The following MYNN variants were observed in gnomAD, a reference collection of about 807,000 sequenced individuals.
MYNN encodes the protein myoneurin.
A neutral mutation model predicts 57.2 loss-of-function variants in MYNN; 22 were observed. The ratio of observed to expected loss-of-function variants is 0.38; its 90% CI spans 0.27 to 0.55. The LOEUF is 0.55. MYNN is among the 20% of genes least tolerant of loss of function. The probability of loss-of-function intolerance (pLI) is 0.71; values close to 1 mark genes in which losing one functional copy is unlikely to be tolerated. For synonymous variants in MYNN, 241 were observed against 257.1 expected (o/e 0.94, Z 0.60); for missense variants, 566 against 723.1 (o/e 0.78, Z 2.49).
chr3:169,785,811 G>A (rs2108210442), intron 7 of MYNN, among the ~76,000 whole-genome samples: 1 of 152,196 alleles, frequency 6.6e-6, no homozygotes, highest in East Asian at 1.9e-4. Flanking sequence ...GCATGTTAAA[G>A]CCATTGGAAA....
intron 1 of MYNN, 37 bp from the exon 2 acceptor site, chr3:169,774,228 T>A (rs1577391600): frequency 6.6e-7 from 1 of 1,518,386 alleles, no homozygotes; most frequent in Non-Finnish European, 9.1e-7. Flanking sequence ...GATGAGAACT[T>A]ACGGTTACTG....
At chr3:169,785,702 T>C (rs1778656132) in intron 7 of MYNN, among the ~76,000 whole-genome samples, 1 of 151,998 alleles carries the variant, frequency 6.6e-6, no homozygotes, top group Non-Finnish European at 1.5e-5. Context: ...AAGAGTAGTT[T>C]GGGAAGAATA....
At position 169,782,254 on chromosome 3, in the gene MYNN, A is replaced by T. The variant is rs1778539600; in HGVS notation, c.1221-211A>T. On this transcript the variant is annotated intron_variant, in intron 4 of 7. Transcript: ENST00000349841. The surrounding 1 kb of genome is among the most constrained non-coding windows in gnomAD (Gnocchi z 4.8). Reference sequence around the variant, plus strand: ...TGACAACCATATAAAGATCATGGAAAAACTTTTTGAACTGATCTCAGAACT... The same window carrying T: ...TGACAACCATATAAAGATCATGGAATAACTTTTTGAACTGATCTCAGAACT... 6.6e-6 allele frequency among the ~76,000 whole-genome samples: 1 copy of T among 152,200 alleles called. No individual in the cohort carries two copies. The highest frequency in any genetic ancestry group is 1.5e-5 in the Non-Finnish European group (1 of 68,044).
intron 6 of MYNN, chr3:169,783,983 T>C (rs1290397821): frequency 1.2e-5 from 3 of 258,376 alleles, no homozygotes; most frequent in Non-Finnish European, 2.3e-5. Context: ...AAGAAAATAT[T>C]GAATGTAAAA....
At chr3:169,785,261 A>C (rs970892425) in intron 7 of MYNN, among the ~76,000 whole-genome samples, 4 of 152,066 alleles carry the variant, frequency 2.6e-5, no homozygotes, top group African/African-American at 9.6e-5. Context: ...ATTATTCGAC[A>C]TGACACTAGG....
At chr3:169,785,053 G>C (rs1778633494) in intron 7 of MYNN, among the ~76,000 whole-genome samples, 1 of 132,768 alleles carries the variant, frequency 7.5e-6, no homozygotes, top group Admixed American at 8.0e-5. Flanking sequence ...GGTTTACTAT[G>C]GTTATTATGA....
At chr3:169,784,585 A>T in intron 6 of MYNN, 37 bp from the exon 7 acceptor site, 1 of 1,363,288 alleles carries the variant, frequency 7.3e-7, no homozygotes, top group Non-Finnish European at 1.0e-6. Flanking sequence ...AGCAGCTTTT[A>T]AAATATTGAA....
At chr3:169,784,498 G>T in intron 6 of MYNN, 124 bp from the exon 7 acceptor site, 1 of 622,070 alleles carries the variant, frequency 1.6e-6, no homozygotes, top group Non-Finnish European at 2.8e-6. Context: ...TGATTAAAGT[G>T]ACAATTTGAA....
chr3:169,783,620 C>A (rs1778584345), intron 6 of MYNN, 60 bp downstream of exon 6: 3 of 1,224,664 alleles, frequency 2.4e-6, no homozygotes, highest in African/African-American at 1.5e-5. Flanking sequence ...TTTATGTAAA[C>A]CTTGACTTTT....
At chr3:169,781,622 G>A (rs1778520006) in intron 4 of MYNN, among the ~76,000 whole-genome samples, 1 of 152,218 alleles carries the variant, frequency 6.6e-6, no homozygotes, top group South Asian at 2.1e-4. Context: ...GGAGCAGCCA[G>A]TAGAGGAGGA....
intron 7 of MYNN, among the ~76,000 whole-genome samples, chr3:169,786,176 C>T (rs1778671891): frequency 6.6e-6 from 1 of 152,110 alleles, no homozygotes; most frequent in South Asian, 2.1e-4. Flanking sequence ...TAACAGCTCA[C>T]CCTGTTTCAT....
At chr3:169,777,508 T>C (rs1778384241) in intron 2 of MYNN, 1 of 151,958 alleles carries the variant, frequency 6.6e-6, no homozygotes, top group East Asian at 1.9e-4. Flanking sequence ...TGTGTTTCCA[T>C]CCTCAAATAC....
intron 2 of MYNN, among the ~76,000 whole-genome samples, chr3:169,776,195 CCAGGTGTTTTGTTCAGT>C (rs2108198335): frequency 6.6e-6 from 1 of 152,284 alleles, no homozygotes; most frequent in Admixed American, 6.5e-5. Context: ...TGAAGAACAG[CCAGGTGTTTTGTTCAGT>C]CTCTTTTGGT....
intron 1 of MYNN, chr3:169,773,905 C>G (rs78105580): frequency 0.013 from 2,355 of 179,080 alleles, 19 homozygotes; most frequent in Middle Eastern, 0.031. Context: ...CTGCCCCTAT[C>G]TGTCCCAAGA....
At chr3:169,776,719 T>A (rs1778352531) in intron 2 of MYNN, among the ~76,000 whole-genome samples, 2 of 146,886 alleles carry the variant, frequency 1.4e-5, no homozygotes, top group Non-Finnish European at 1.5e-5. Context: ...TTTTTTTTTT[T>A]TTGAGATGGA....
rs777747775 is a variant in MYNN at position 169,779,046 on chromosome 3, A to G, written c.545A>G (p.Lys182Arg). 1 of 1,614,134 alleles carries G rather than the reference A, an allele frequency of 6.2e-7. No individual in the cohort carries two copies. Among genetic ancestry groups the G allele is most frequent in the African/African-American group, 1.3e-5 (1 of 75,084 alleles). ...AAAAAGTCATCTCAAACGAAAAAGA[A>G]GAAGAAGGCTTTCAACTCCCCGAAA... is the stretch of plus-strand genomic sequence containing the variant. Reference protein sequence around the residue: ...LAKKSSQTKKKKKAFNSPKTG... With the variant: ...LAKKSSQTKKRKKAFNSPKTG... The change falls in exon 3 of 8, where the codon AAG becomes AGG. Residue 182 changes from lysine to arginine, a missense_variant. By Grantham distance (26) the Lys-to-Arg change is conservative. Transcript: ENST00000349841.
chr3:169,773,846 C>CT (rs992971998), intron 1 of MYNN, among the ~76,000 whole-genome samples: 10 of 152,204 alleles, frequency 6.6e-5, no homozygotes, highest in Admixed American at 6.5e-4. Flanking sequence ...ACTGGGGAAA[C>CT]TAACAGGTTT....
intron 1 of MYNN, chr3:169,774,022 T>C (rs1237339083): frequency 5.0e-6 from 2 of 402,294 alleles, no homozygotes; most frequent in East Asian, 8.5e-5. Context: ...TTTGCTGTGC[T>C]TTTTGCAGGT....
At chr3:169,783,813 A>G in intron 6 of MYNN, 1 of 535,814 alleles carries the variant, frequency 1.9e-6, no homozygotes, top group Admixed American at 2.6e-5. Flanking sequence ...TTTTTAAATG[A>G]TTTGGATTAA....
Sources: gnomAD v4.1 joint callset for allele counts (sites outside exome capture counted in the v4.1 genomes callset) on GRCh38, gnomAD v4.1.1 for gene constraint, Gnocchi (gnomAD v3.1) non-coding constraint, MANE v1.5 for transcripts, NCBI Gene and HGNC (gene_info 2026-07-23, HGNC 2026-07-21) for gene names.